The following GRIN2A variants were observed in gnomAD, a reference collection of about 807,000 sequenced individuals.
GRIN2A encodes the protein glutamate receptor ionotropic, NMDA 2A.
A neutral mutation model predicts 113.4 loss-of-function variants in GRIN2A; 22 were observed. The observed-to-expected ratio is 0.19, with a 90% CI of 0.14 to 0.28. The LOEUF is 0.28. GRIN2A is among the 10% of genes least tolerant of loss of function. The pLI, the probability that GRIN2A is intolerant of heterozygous loss-of-function variation, is 1.00. For synonymous variants in GRIN2A, 827 were observed against 738.4 expected (o/e 1.12, Z -1.94); for missense variants, 1,502 against 1,887.0 (o/e 0.80, Z 3.78).
rs532351329 is a variant in GRIN2A at position 9,952,962 on chromosome 16, C to T, written c.415-14411G>A. On this transcript the variant is annotated intron_variant, in intron 2 of 12. Coordinates refer to ENST00000330684, the MANE Select transcript of GRIN2A (RefSeq NM_001134407.3). Reference sequence around the variant, plus strand: ...AGGAGTTAATGCTTTCTGGGGTTGACGAGAAGAATCCATGAAAGAATTTTT... The same window carrying T: ...AGGAGTTAATGCTTTCTGGGGTTGATGAGAAGAATCCATGAAAGAATTTTT... Among the ~76,000 whole-genome samples, 22 of 152,156 alleles carry T rather than the reference C, an allele frequency of 1.4e-4. No individual in the cohort carries two copies. The South Asian group carries it at 4.2e-3, about 29-fold the overall frequency.
chr16:9,780,375 A>G (rs1901869379), intron 11 of GRIN2A, among the ~76,000 whole-genome samples: 1 of 152,260 alleles, frequency 6.6e-6, no homozygotes, highest in African/African-American at 2.4e-5. Flanking sequence ...ATAAATTTGT[A>G]CGATAAAATA....
intron 2 of GRIN2A, among the ~76,000 whole-genome samples, chr16:10,158,011 T>C (rs1279256478): frequency 6.6e-6 from 1 of 152,100 alleles, no homozygotes; most frequent in Non-Finnish European, 1.5e-5. Context: ...TTTATTTATT[T>C]ATTTATTTTT....
intron 2 of GRIN2A, among the ~76,000 whole-genome samples, chr16:10,124,625 G>A (rs118126058): frequency 7.2e-5 from 11 of 152,290 alleles, no homozygotes; most frequent in Non-Finnish European, 1.5e-4. Context: ...GGAGCTGGGA[G>A]ATGGCAGGGA....
At chr16:10,019,060 CA>C (rs36165422) in intron 2 of GRIN2A, among the ~76,000 whole-genome samples, 16,116 of 123,712 alleles carry the variant, frequency 0.13, 917 homozygotes, top group Middle Eastern at 0.18. Context: ...TGTTGATCTC[CA>C]AAAAAAAAAA....
intron 2 of GRIN2A, among the ~76,000 whole-genome samples, chr16:10,006,903 G>A (rs2141856549): frequency 6.6e-6 from 1 of 152,080 alleles, no homozygotes; most frequent in South Asian, 2.1e-4. Context: ...TCTATGCCTG[G>A]CTTATTTCAC....
At chr16:9,913,697 G>A (rs574816495) in intron 3 of GRIN2A, among the ~76,000 whole-genome samples, 14 of 152,168 alleles carry the variant, frequency 9.2e-5, no homozygotes, top group African/African-American at 1.4e-4. Context: ...TATATTCTAC[G>A]CTTCATTTAC....
intron 2 of GRIN2A, among the ~76,000 whole-genome samples, chr16:10,010,222 T>A (rs1012374647): frequency 6.6e-6 from 1 of 152,262 alleles, no homozygotes; most frequent in African/African-American, 2.4e-5. Context: ...AGCTGTTCAT[T>A]TCAGCACATA....
At chr16:10,156,035 T>C (rs2049686625) in intron 2 of GRIN2A, among the ~76,000 whole-genome samples, 1 of 152,148 alleles carries the variant, frequency 6.6e-6, no homozygotes, top group Non-Finnish European at 1.5e-5. Flanking sequence ...CTTTAAGTGG[T>C]AGGAGGGACC....
At chr16:9,772,487 T>G (rs1256874892) in intron 11 of GRIN2A, among the ~76,000 whole-genome samples, 2 of 152,178 alleles carry the variant, frequency 1.3e-5, no homozygotes, top group African/African-American at 4.8e-5. Flanking sequence ...TCCTCCCACC[T>G]CAGCCTCCGA....
At chr16:9,784,462 C>CAAAA (rs796182471) in intron 11 of GRIN2A, among the ~76,000 whole-genome samples, 7,930 of 144,872 alleles carry the variant, frequency 0.055, 564 homozygotes, top group African/African-American at 0.16. Flanking sequence ...AACAAACAAA[C>CAAAA]AAAAAACCTA....
At chr16:10,096,539 AAC>A (rs59351819) in intron 2 of GRIN2A, among the ~76,000 whole-genome samples, 1,542 of 137,678 alleles carry the variant, frequency 0.011, 21 homozygotes, top group African/African-American at 0.027. Flanking sequence ...ATTGTGGTAA[AAC>A]ACACACACAC....
At chr16:10,178,399 A>T (rs1003583463) in intron 2 of GRIN2A, among the ~76,000 whole-genome samples, 1 of 152,252 alleles carries the variant, frequency 6.6e-6, no homozygotes, top group Non-Finnish European at 1.5e-5. Context: ...ACCTAGCTAC[A>T]TCAGCCACTA....
At chr16:9,833,047 C>G (rs1016339230) in intron 8 of GRIN2A, among the ~76,000 whole-genome samples, 1 of 152,194 alleles carries the variant, frequency 6.6e-6, no homozygotes, top group Non-Finnish European at 1.5e-5. Flanking sequence ...CCATCCTCTA[C>G]CATATCAAGT....
At chr16:9,931,684 G>A (rs1178558784) in intron 3 of GRIN2A, among the ~76,000 whole-genome samples, 1 of 152,110 alleles carries the variant, frequency 6.6e-6, no homozygotes, top group East Asian at 1.9e-4. Flanking sequence ...CTCCTCTTCA[G>A]TAAGTGTAAA....
At chr16:9,848,273 T>C (rs1355354515) in intron 5 of GRIN2A, among the ~76,000 whole-genome samples, 1 of 151,184 alleles carries the variant, frequency 6.6e-6, no homozygotes, top group East Asian at 1.9e-4. Context: ...TGGAGTGTAG[T>C]GGCTCGATCT....
chr16:9,939,406 C>G (rs1417820771), intron 2 of GRIN2A, among the ~76,000 whole-genome samples: 1 of 152,176 alleles, frequency 6.6e-6, no homozygotes, highest in African/African-American at 2.4e-5. Context: ...GCACATAGGG[C>G]CTATTCAGAG....
In GRIN2A at chr16:10,112,168, C is replaced by T. The variant is rs541047012; in HGVS notation, c.414+67830G>A. 1.7e-4 allele frequency: 97 copies of T among 586,082 alleles called. 1 individual carries two copies. The highest frequency in any genetic ancestry group is 1.5e-3 in the South Asian group (91 of 58,846). 36.3% of individuals were successfully genotyped at this position (586,082 alleles called of 1,614,324 possible). A position where few individuals can be genotyped will look rare whatever the true frequency, so the allele number is the denominator to read the frequency against. Reference sequence around the variant, plus strand: ...GACAAATACTGCCTGGACCTGCTCACCTGGGTAGGCATCAACGTCATAGTC... The same window carrying T: ...GACAAATACTGCCTGGACCTGCTCATCTGGGTAGGCATCAACGTCATAGTC... On this transcript the variant is annotated intron_variant, in intron 2 of 12. Transcript: ENST00000330684.
intron 2 of GRIN2A, among the ~76,000 whole-genome samples, chr16:10,132,786 T>C (rs1044448400): frequency 6.6e-6 from 1 of 152,198 alleles, no homozygotes; most frequent in Non-Finnish European, 1.5e-5. Flanking sequence ...ACTTAACAGA[T>C]TATAAGTTTC....
intron 2 of GRIN2A, chr16:10,112,408 G>T (rs2048635108): frequency 1.4e-6 from 1 of 716,144 alleles, no homozygotes; most frequent in Non-Finnish European, 2.6e-6. Context: ...CAGCCCCAGG[G>T]CACTGCTGTG....
Sources: gnomAD v4.1 joint callset for allele counts (sites outside exome capture counted in the v4.1 genomes callset) on GRCh38, gnomAD v4.1.1 for gene constraint, MANE v1.5 for transcripts, NCBI Gene and HGNC (gene_info 2026-07-23, HGNC 2026-07-21) for gene names.